The following PHACTR1 variants were observed in gnomAD, a reference collection of about 807,000 sequenced individuals.
PHACTR1 encodes the protein phosphatase and actin regulator 1.
PHACTR1 carries 16 observed loss-of-function variants against 69.2 expected under a neutral mutation model. The observed-to-expected ratio is 0.23, with a 90% CI of 0.16 to 0.35. The LOEUF (loss-of-function observed/expected upper bound fraction) is 0.35. PHACTR1 is among the 10% of genes least tolerant of loss of function. The pLI is 1.00. For synonymous variants in PHACTR1, 312 were observed against 284.5 expected, an observed-to-expected ratio of 1.10 and a Z score of -0.97; for missense variants, 510 against 734.7, an observed-to-expected ratio of 0.69 and a Z score of 3.54.
chr6:13,021,826 C>A (rs993835099), intron 4 of PHACTR1, among the ~76,000 whole-genome samples: 15 of 152,182 alleles, frequency 9.9e-5, no homozygotes, highest in African/African-American at 3.6e-4. Context: ...ATTTTAGACA[C>A]CTTACATAAA....
intron 4 of PHACTR1, among the ~76,000 whole-genome samples, chr6:13,035,183 T>C (rs994265892): frequency 1.3e-5 from 2 of 152,230 alleles, no homozygotes; most frequent in Non-Finnish European, 2.9e-5. Flanking sequence ...TAATCATAGA[T>C]ATGTCTTATT....
intron 7 of PHACTR1, among the ~76,000 whole-genome samples, chr6:13,202,084 A>C (rs1765317053): frequency 6.6e-6 from 1 of 152,238 alleles, no homozygotes; most frequent in Non-Finnish European, 1.5e-5. Flanking sequence ...AGGCCCCAGC[A>C]TGCCTTTCCT....
intron 4 of PHACTR1, among the ~76,000 whole-genome samples, chr6:13,037,335 C>T (rs1041128000): frequency 3.3e-5 from 5 of 152,118 alleles, no homozygotes; most frequent in Non-Finnish European, 2.9e-5. Flanking sequence ...ATTAACCTAC[C>T]TGTTAACCAA....
intron 5 of PHACTR1, among the ~76,000 whole-genome samples, chr6:13,130,435 T>A (rs577575480): frequency 3.1e-3 from 474 of 151,844 alleles, no homozygotes; most frequent in Middle Eastern, 6.8e-3. Flanking sequence ...CAAGAAAAGA[T>A]CCAAGATCCA....
At chr6:13,248,686 G>A (rs1030028352) in intron 10 of PHACTR1, among the ~76,000 whole-genome samples, 7 of 152,094 alleles carry the variant, frequency 4.6e-5, no homozygotes, top group Non-Finnish European at 7.4e-5. Flanking sequence ...TTAGTAGACG[G>A]GGCAATAACT....
intron 11 of PHACTR1, chr6:13,273,784 AC>A (rs1778258084): frequency 6.6e-6 from 1 of 152,344 alleles, no homozygotes; most frequent in African/African-American, 2.4e-5. Flanking sequence ...TTAATTCATG[AC>A]CCTGTTCCCC....
chr6:13,079,503 C>T lies in PHACTR1; in HGVS notation c.415+25974C>T, dbSNP rs72820883. Among the ~76,000 whole-genome samples the T allele has an allele frequency of 9.2e-3, 1,405 of 152,082 alleles. 5 individuals carry two copies. The highest frequency in any genetic ancestry group is 0.017 in the Middle Eastern group (5 of 294). On this transcript the variant is annotated intron_variant, in intron 5 of 14. Coordinates refer to ENST00000332995, the MANE Select transcript of PHACTR1 (RefSeq NM_030948.6). ...AGCCTTGAAAATGAGCTTTTCTGAG[C>T]TTCTCATTAATTTTTCACTCCTCTC...
chr6:13,274,666 C>T (rs1584378051), intron 11 of PHACTR1: 1 of 152,230 alleles, frequency 6.6e-6, no homozygotes, highest in East Asian at 1.9e-4. Flanking sequence ...CAGCTCTGGG[C>T]TCTCTCAAAG....
intron 3 of PHACTR1, among the ~76,000 whole-genome samples, chr6:12,744,642 G>A (rs1765534085): frequency 6.6e-6 from 1 of 152,050 alleles, no homozygotes; most frequent in South Asian, 2.1e-4. Context: ...AGAATTTGAG[G>A]CAAATCCATA....
At chr6:12,972,753 GCGATTC>G (rs1281754785) in intron 4 of PHACTR1, among the ~76,000 whole-genome samples, 1 of 151,266 alleles carries the variant, frequency 6.6e-6, no homozygotes, top group African/African-American at 2.4e-5. Flanking sequence ...CTGGGTTCAA[GCGATTC>G]TCCTGTCTCA....
At chr6:13,212,660 CCT>C (rs1242640940) in intron 8 of PHACTR1, among the ~76,000 whole-genome samples, 2 of 152,114 alleles carry the variant, frequency 1.3e-5, no homozygotes, top group African/African-American at 2.4e-5. Flanking sequence ...CATCAGCTCC[CCT>C]CTCTGTTGCT....
chr6:13,156,515 C>T (rs1365693878), intron 5 of PHACTR1, among the ~76,000 whole-genome samples: 1 of 152,160 alleles, frequency 6.6e-6, no homozygotes, highest in Non-Finnish European at 1.5e-5. Flanking sequence ...TAGTATTCTC[C>T]CTGTGTCATA....
intron 4 of PHACTR1, among the ~76,000 whole-genome samples, chr6:12,853,395 C>T (rs904939401): frequency 6.6e-6 from 1 of 152,144 alleles, no homozygotes; most frequent in African/African-American, 2.4e-5. Context: ...TATTTGTTAA[C>T]TCTGGTTGGC....
chr6:12,871,654 T>C (rs1407041048), intron 4 of PHACTR1, among the ~76,000 whole-genome samples: 1 of 152,126 alleles, frequency 6.6e-6, no homozygotes. Context: ...TCATCTAAGG[T>C]CTGATTGCCC....
At chr6:12,885,056 T>G (rs905333737) in intron 4 of PHACTR1, among the ~76,000 whole-genome samples, 1 of 152,168 alleles carries the variant, frequency 6.6e-6, no homozygotes, top group African/African-American at 2.4e-5. Flanking sequence ...CTAGTAATGC[T>G]AACACCATCC....
chr6:13,084,209 T>C (rs1811896822), intron 5 of PHACTR1, among the ~76,000 whole-genome samples: 2 of 151,060 alleles, frequency 1.3e-5, no homozygotes, highest in African/African-American at 4.9e-5. Context: ...AAATGATGAG[T>C]TCATGTCCTT....
intron 8 of PHACTR1, among the ~76,000 whole-genome samples, chr6:13,219,416 T>C (rs1045880593): frequency 6.6e-6 from 1 of 152,160 alleles, no homozygotes; most frequent in Non-Finnish European, 1.5e-5. Flanking sequence ...AGAACCATCA[T>C]GCAGGGTCAT....
At chr6:12,940,357 G>A (rs940289395) in intron 4 of PHACTR1, among the ~76,000 whole-genome samples, 7 of 152,190 alleles carry the variant, frequency 4.6e-5, no homozygotes, top group Non-Finnish European at 7.3e-5. Context: ...ATGGTTGTAA[G>A]GGGTTTGTGT....
chr6:13,193,357 G>GTGTATA (rs536184609), intron 7 of PHACTR1, among the ~76,000 whole-genome samples: 5 of 68,198 alleles, frequency 7.3e-5, no homozygotes, highest in East Asian at 4.3e-4. Flanking sequence ...AGCTCTCTGT[G>GTGTATA]TATATATATA....
Sources: gnomAD v4.1 joint callset for allele counts (sites outside exome capture counted in the v4.1 genomes callset) on GRCh38, gnomAD v4.1.1 for gene constraint, MANE v1.5 for transcripts, NCBI Gene and HGNC (gene_info 2026-07-23, HGNC 2026-07-21) for gene names.